CADPS2: variants seen among roughly 807,000 people sequenced by gnomAD.
CADPS2 encodes calcium dependent secretion activator 2, also known as calcium-dependent secretion activator 2.
CADPS2 carries 93 observed loss-of-function variants against 172.5 expected under a neutral mutation model. The observed-to-expected ratio is 0.54, with a 90% CI of 0.46 to 0.64. CADPS2 has a LOEUF of 0.64. Among genes scored for constraint, CADPS2 ranks in the 30% least tolerant of loss-of-function variants. CADPS2 has a pLI of 0.00. For missense variants in CADPS2, 1,420 were observed against 1,565.9 expected, an observed-to-expected ratio of 0.91 and a Z score of 1.57; for synonymous variants, 546 against 555.2, an observed-to-expected ratio of 0.98 and a Z score of 0.23.
intron 12 of CADPS2, among the ~76,000 whole-genome samples, chr7:122,479,344 T>G (rs1402413768): frequency 1.3e-5 from 2 of 152,210 alleles, no homozygotes; most frequent in Non-Finnish European, 2.9e-5. Flanking sequence ...AAAACTCCCA[T>G]ACAGCTTGAA....
chr7:122,641,450 G>A (rs1389069724), intron 3 of CADPS2, among the ~76,000 whole-genome samples: 1 of 152,088 alleles, frequency 6.6e-6, no homozygotes, highest in Admixed American at 6.5e-5. Flanking sequence ...GAAGTTGTGA[G>A]CAAAATTTTG....
chr7:122,711,679 G>GTC (rs778806643), intron 2 of CADPS2, among the ~76,000 whole-genome samples: 2 of 151,884 alleles, frequency 1.3e-5, no homozygotes, highest in Non-Finnish European at 2.9e-5. Context: ...TTTAGACAGA[G>GTC]TCTCTCTCTG....
Position 122,820,326 on chromosome 7 carries a change from A to G in CADPS2, c.339+65673T>C, listed in dbSNP as rs192848449. Among the ~76,000 whole-genome samples, 14 of 152,048 alleles carry G rather than the reference A, an allele frequency of 9.2e-5. No homozygotes were observed. In the East Asian group the frequency reaches 2.7e-3, roughly 29 times the overall value. On this transcript the variant is annotated intron_variant, in intron 1 of 29. Coordinates refer to ENST00000449022, the MANE Select transcript of CADPS2 (RefSeq NM_017954.11). ...GCCCCCATTACTTCAATCAAGCCCA[A>G]ATTTCTTCCTCATCTGTTACCTATC...
intron 25 of CADPS2, among the ~76,000 whole-genome samples, chr7:122,365,895 C>CT (rs1252074280): frequency 6.6e-6 from 1 of 152,166 alleles, no homozygotes; most frequent in East Asian, 1.9e-4. Context: ...ACCATAAACT[C>CT]TAAGTGACGG....
At chr7:122,797,169 G>A (rs1034292506) in intron 1 of CADPS2, among the ~76,000 whole-genome samples, 2 of 152,078 alleles carry the variant, frequency 1.3e-5, no homozygotes, top group African/African-American at 4.8e-5. Flanking sequence ...TCTTATATCA[G>A]TCAAATGGCT....
intron 14 of CADPS2, among the ~76,000 whole-genome samples, chr7:122,458,000 G>T (rs1043353522): frequency 6.6e-6 from 1 of 152,124 alleles, no homozygotes; most frequent in African/African-American, 2.4e-5. Context: ...GAAATCTGGT[G>T]GTTTGTTGTA....
intron 3 of CADPS2, among the ~76,000 whole-genome samples, chr7:122,630,142 C>G (rs2076436319): frequency 6.6e-6 from 1 of 152,260 alleles, no homozygotes; most frequent in Middle Eastern, 3.4e-3. Flanking sequence ...TTTGCACTCT[C>G]ATCACGAAGA....
At chr7:122,615,698 ATATAG>A (rs1156915612) in intron 5 of CADPS2, among the ~76,000 whole-genome samples, 1 of 152,082 alleles carries the variant, frequency 6.6e-6, no homozygotes, top group Non-Finnish European at 1.5e-5. Flanking sequence ...ATATAAAATA[ATATAG>A]TATATATTAT....
At chr7:122,667,936 G>A (rs1394760366) in intron 2 of CADPS2, among the ~76,000 whole-genome samples, 1 of 152,136 alleles carries the variant, frequency 6.6e-6, no homozygotes, top group Non-Finnish European at 1.5e-5. Flanking sequence ...CCACGTGGGG[G>A]GAGGGAGGAC....
intron 2 of CADPS2, among the ~76,000 whole-genome samples, chr7:122,699,608 T>C (rs2085705333): frequency 6.6e-6 from 1 of 152,140 alleles, no homozygotes; most frequent in Non-Finnish European, 1.5e-5. Flanking sequence ...TTCTGAGAAG[T>C]TTGTGGCTTT....
At chr7:122,868,460 C>T (rs1021890733) in intron 1 of CADPS2, among the ~76,000 whole-genome samples, 2 of 152,264 alleles carry the variant, frequency 1.3e-5, no homozygotes, top group East Asian at 3.9e-4. Context: ...AGGCTGTCTT[C>T]TCTCACCTCT....
chr7:122,767,161 C>T (rs1047513093), intron 1 of CADPS2, among the ~76,000 whole-genome samples: 1 of 152,230 alleles, frequency 6.6e-6, no homozygotes, highest in African/African-American at 2.4e-5. Flanking sequence ...TTTCTAAATA[C>T]ATATTATGTC....
rs549522099 is a variant in CADPS2 at position 122,711,839 on chromosome 7, G to A, written c.453+25116C>T. On this transcript the variant is annotated intron_variant, in intron 2 of 29. Coordinates refer to ENST00000449022, the MANE Select transcript of CADPS2 (RefSeq NM_017954.11). ...GGCTAATTTTTGTATTTTTAGTAGAGACGGGGTTTCACCATGTTGGTCAGG... is the reference window on the plus strand; with the variant it reads ...GGCTAATTTTTGTATTTTTAGTAGAAACGGGGTTTCACCATGTTGGTCAGG... Among the ~76,000 whole-genome samples the A allele has an allele frequency of 3.9e-5, 6 of 151,936 alleles. No homozygotes were observed. In the East Asian group the frequency reaches 1.2e-3, roughly 30 times the overall value.
At chr7:122,761,873 C>G (rs190973230) in intron 1 of CADPS2, among the ~76,000 whole-genome samples, 1 of 150,028 alleles carries the variant, frequency 6.7e-6, no homozygotes, top group African/African-American at 2.4e-5. Flanking sequence ...TGGCATGCAC[C>G]GGTAATCCTA....
intron 6 of CADPS2, among the ~76,000 whole-genome samples, chr7:122,584,621 A>G (rs2069365149): frequency 6.6e-6 from 1 of 151,918 alleles, no homozygotes; most frequent in Non-Finnish European, 1.5e-5. Context: ...CCTGCTGTTT[A>G]AAATTTTAAG....
chr7:122,362,161 G>A (rs753371409), intron 25 of CADPS2, among the ~76,000 whole-genome samples: 11 of 152,066 alleles, frequency 7.2e-5, no homozygotes, highest in Non-Finnish European at 1.5e-4. Context: ...TAACATATGA[G>A]CTCTTGTAAC....
chr7:122,691,078 G>A (rs13247906), intron 2 of CADPS2, among the ~76,000 whole-genome samples: 9,505 of 152,262 alleles, frequency 0.062, 390 homozygotes, highest in African/African-American at 0.099. Flanking sequence ...AGCATACTCC[G>A]CTGCTCTAAG....
chr7:122,325,640 G>T, intron 28 of CADPS2, 59 bp from the exon 29 acceptor site: 1 of 1,035,024 alleles, frequency 9.7e-7, no homozygotes, highest in Non-Finnish European at 1.5e-6. Context: ...AACCTCTGCA[G>T]TATTCATTTA....
intron 17 of CADPS2, among the ~76,000 whole-genome samples, chr7:122,436,544 G>A (rs1423754227): frequency 6.6e-6 from 1 of 151,936 alleles, no homozygotes; most frequent in Non-Finnish European, 1.5e-5. Context: ...AAAAGTAGGG[G>A]GAGAGGGAGA....
Sources: allele counts gnomAD v4.1 joint callset (sites outside exome capture counted in the v4.1 genomes callset), GRCh38; gene constraint gnomAD v4.1.1; transcripts MANE v1.5; gene names NCBI Gene and HGNC (gene_info 2026-07-23, HGNC 2026-07-21).